GPHN: variants seen among roughly 807,000 people sequenced by gnomAD.
The protein encoded by GPHN is gephyrin.
In GPHN, 17 loss-of-function variants were observed where a neutral mutation model predicts 95.5. The ratio of observed to expected loss-of-function variants is 0.18; its 90% CI spans 0.12 to 0.27. The LOEUF is 0.27. Ranked by LOEUF, GPHN falls within the 10% of genes least tolerant of loss-of-function variation. The pLI is 1.00. For synonymous variants in GPHN, 320 were observed against 322.5 expected (o/e 0.99, Z 0.08); for missense variants, 660 against 978.1 (o/e 0.67, Z 4.34).
At chr14:67,033,192 C>T (rs1315965504) in intron 10 of GPHN, among the ~76,000 whole-genome samples, 1 of 151,882 alleles carries the variant, frequency 6.6e-6, no homozygotes, top group Non-Finnish European at 1.5e-5. Flanking sequence ...AGATCAACAG[C>T]AAAATTGGAA....
the GPHN span, among the ~76,000 whole-genome samples, chr14:67,198,552 T>G: frequency 1.0e-3 from 159 of 152,348 alleles, no homozygotes; most frequent in African/African-American, 3.6e-3. Context: ...AACTCTACCA[T>G]AATTGCCATT....
the GPHN span, among the ~76,000 whole-genome samples, chr14:67,468,697 C>A: frequency 6.6e-6 from 1 of 152,084 alleles, no homozygotes. Flanking sequence ...GGTTCAAGAC[C>A]AGCCTGGCCA....
intron 1 of GPHN, among the ~76,000 whole-genome samples, chr14:66,596,200 T>C (rs969353181): frequency 6.6e-6 from 1 of 151,956 alleles, no homozygotes; most frequent in Non-Finnish European, 1.5e-5. Context: ...AGGGTTTCTA[T>C]GGGCTTCAGA....
At chr14:67,249,072 C>T in the GPHN span, among the ~76,000 whole-genome samples, 1 of 152,032 alleles carries the variant, frequency 6.6e-6, no homozygotes, top group African/African-American at 2.4e-5. Flanking sequence ...AAGTTATTTT[C>T]CCTCCTCAGC....
the GPHN span, among the ~76,000 whole-genome samples, chr14:67,630,999 C>G: frequency 1.3e-5 from 2 of 152,210 alleles, no homozygotes; most frequent in Non-Finnish European, 2.9e-5. Flanking sequence ...GCAGTGCCCT[C>G]TCCCTATGCT....
At chr14:67,560,641 A>C in the GPHN span, among the ~76,000 whole-genome samples, 1 of 152,172 alleles carries the variant, frequency 6.6e-6, no homozygotes. Context: ...ACTTGAAGCT[A>C]CAGTGCTATC....
At chr14:67,683,311 A>G in the GPHN span, among the ~76,000 whole-genome samples, 1 of 152,038 alleles carries the variant, frequency 6.6e-6, no homozygotes, top group South Asian at 2.1e-4. Flanking sequence ...ATCTCTAGGG[A>G]AGAAGAATCC....
intron 8 of GPHN, among the ~76,000 whole-genome samples, chr14:66,964,341 C>T (rs1210872159): frequency 6.6e-6 from 1 of 152,026 alleles, no homozygotes; most frequent in East Asian, 1.9e-4. Context: ...CTATTGTTGT[C>T]CTCAATTTTC....
the GPHN span, among the ~76,000 whole-genome samples, chr14:67,638,671 GT>G: frequency 6.6e-6 from 1 of 152,164 alleles, no homozygotes; most frequent in Non-Finnish European, 1.5e-5. Flanking sequence ...AAAAAACAGA[GT>G]TGGGAGCAGG....
chr14:67,659,303 C>A, the GPHN span, among the ~76,000 whole-genome samples: 17 of 152,196 alleles, frequency 1.1e-4, no homozygotes, highest in Admixed American at 1.1e-3. Context: ...TAACAATATT[C>A]TGATAAATTA....
At position 66,916,056 on chromosome 14, in the gene GPHN, A is replaced by C. The variant is rs1381035521; in HGVS notation, c.443A>C (p.Lys148Thr). ...CTCATAATTAACCTGCCAGGTAGCAAGAAAGGATCTCAGGTAAATCACCTG... is the reference window on the plus strand; with the variant it reads ...CTCATAATTAACCTGCCAGGTAGCACGAAAGGATCTCAGGTAAATCACCTG... Reference protein sequence around the residue: ...KTLIINLPGSKKGSQECFQFI... With the variant: ...KTLIINLPGSTKGSQECFQFI... The change falls in exon 6 of 23, where the codon AAG (lysine) becomes ACG (threonine). Residue 148 changes from lysine (K) to threonine (T), a missense_variant. Around this residue, in one of 6 missense-constraint regions of GPHN, gnomAD observed 71 missense variants for 130.8 expected, o/e 0.54. Transcript: ENST00000478722. 6.3e-7 allele frequency: 1 copy of C among 1,591,824 alleles called. No homozygotes were observed. The highest frequency in any genetic ancestry group is 8.6e-7 in the Non-Finnish European group (1 of 1,159,596).
intron 1 of GPHN, among the ~76,000 whole-genome samples, chr14:66,659,686 T>C (rs1471643033): frequency 1.3e-5 from 2 of 152,266 alleles, no homozygotes; most frequent in East Asian, 3.9e-4. Context: ...TCTCTGTCTC[T>C]GGTAATTTCT....
the GPHN span, among the ~76,000 whole-genome samples, chr14:67,725,515 G>T: frequency 6.6e-6 from 1 of 152,198 alleles, no homozygotes; most frequent in Non-Finnish European, 1.5e-5. Flanking sequence ...TGGCATCAAG[G>T]TGTGGCCACA....
chr14:67,242,108 T>G, the GPHN span: 12 of 152,258 alleles, frequency 7.9e-5, no homozygotes, highest in African/African-American at 2.9e-4. Flanking sequence ...CGTTGAACTT[T>G]GAAGCATGTA....
At chr14:67,397,802 C>T in the GPHN span, 1 of 1,612,248 alleles carries the variant, frequency 6.2e-7, no homozygotes, top group East Asian at 2.2e-5. Context: ...AACCATCGCG[C>T]CTTCCAGTTG....
chr14:67,420,535 T>C, the GPHN span, among the ~76,000 whole-genome samples: 1 of 152,186 alleles, frequency 6.6e-6, no homozygotes, highest in African/African-American at 2.4e-5. Context: ...TAATCAGAAA[T>C]TCCCGAGACC....
At chr14:67,070,715 A>AAAAAATATATATATATATAT in intron 11 of GPHN, among the ~76,000 whole-genome samples, 2 of 80,700 alleles carry the variant, frequency 2.5e-5, no homozygotes, top group South Asian at 4.3e-4. Flanking sequence ...AAAAAAAAAA[A>AAAAAATATATATATATATAT]ATATATATAT....
chr14:67,020,279 G>T (rs1436472053), intron 9 of GPHN, among the ~76,000 whole-genome samples: 1 of 152,122 alleles, frequency 6.6e-6, no homozygotes, highest in Non-Finnish European at 1.5e-5. Context: ...CTTCATTTCT[G>T]TGTAGCAATT....
At chr14:67,231,634 A>T in the GPHN span, among the ~76,000 whole-genome samples, 74 of 152,106 alleles carry the variant, frequency 4.9e-4, no homozygotes, top group Non-Finnish European at 1.0e-3. Context: ...TATTTATCCA[A>T]CTAAATACTT....
Sources: allele counts gnomAD v4.1 joint callset (sites outside exome capture counted in the v4.1 genomes callset), GRCh38; gene constraint gnomAD v4.1.1; regional missense constraint gnomAD v4.1.1; transcripts MANE v1.5; gene names NCBI Gene and HGNC (gene_info 2026-07-23, HGNC 2026-07-21).